SEPTIN7: variants seen among roughly 807,000 people sequenced by gnomAD.
SEPTIN7 encodes the protein septin-7.
SEPTIN7 carries 10 observed loss-of-function variants against 63.3 expected under a neutral mutation model. The observed-to-expected ratio is 0.16, with a 90% CI of 0.10 to 0.27. The LOEUF (loss-of-function observed/expected upper bound fraction) is 0.27, where lower values mean the gene tolerates loss of function less well. Among genes scored for constraint, SEPTIN7 ranks in the 10% least tolerant of loss-of-function variants. The pLI is 1.00. For missense variants in SEPTIN7, 310 were observed against 521.0 expected (o/e 0.59, Z 3.94); for synonymous variants, 131 against 165.3 (o/e 0.79, Z 1.59).
At position 35,902,846 on chromosome 7, in the gene SEPTIN7, T is replaced by G. The variant is rs1583658530; in HGVS notation, c.1135-230T>G. ...CACACTGTTAAGTTTGTTGCTTTTTTTTTTTTTCCTGTTTCCCAAGATTAT... is the reference window on the plus strand; with the variant it reads ...CACACTGTTAAGTTTGTTGCTTTTTGTTTTTTTCCTGTTTCCCAAGATTAT... On this transcript the variant is annotated intron_variant, in intron 12 of 13. Transcript: ENST00000350320. 3 of 481,298 alleles carry G rather than the reference T, an allele frequency of 6.2e-6. No individual in the cohort carries two copies. The East Asian group carries it at 1.2e-4, about 19-fold the overall frequency. 29.8% of individuals were successfully genotyped at this position (481,298 alleles called of 1,614,324 possible). A position where few individuals can be genotyped will look rare whatever the true frequency, so the allele number is the denominator to read the frequency against.
chr7:35,801,590 G>T (rs533467201), intron 1 of SEPTIN7, among the ~76,000 whole-genome samples: 1 of 152,146 alleles, frequency 6.6e-6, no homozygotes, highest in Non-Finnish European at 1.5e-5. Context: ...TCTCAGCCCT[G>T]CCCTTGCTTC....
intron 10 of SEPTIN7, among the ~76,000 whole-genome samples, chr7:35,890,167 T>C (rs1236294246): frequency 6.6e-6 from 1 of 152,196 alleles, no homozygotes; most frequent in East Asian, 1.9e-4. Flanking sequence ...CCACTTTCAC[T>C]AGACAGTTTG....
intron 1 of SEPTIN7, 98 bp downstream of exon 1, chr7:35,801,368 G>T: frequency 7.1e-7 from 1 of 1,404,980 alleles, no homozygotes; most frequent in Non-Finnish European, 9.4e-7. Flanking sequence ...GCCCTGAGGC[G>T]AGGCGGAGGC....
intron 6 of SEPTIN7, among the ~76,000 whole-genome samples, chr7:35,875,770 TATAC>T (rs144950029): frequency 6.6e-6 from 1 of 152,064 alleles, no homozygotes; most frequent in African/African-American, 2.4e-5. Flanking sequence ...TTTTTTCTCT[TATAC>T]ATACATACAT....
downstream of SEPTIN7, among the ~76,000 whole-genome samples, chr7:35,911,405 C>T (rs1432682677): frequency 6.7e-6 from 1 of 148,918 alleles, no homozygotes; most frequent in Non-Finnish European, 1.5e-5. Flanking sequence ...AGGCATACTG[C>T]CCTCAAAAAC....
chr7:35,870,763 G>A (rs1211588168), intron 4 of SEPTIN7, among the ~76,000 whole-genome samples: 2 of 150,190 alleles, frequency 1.3e-5, no homozygotes, highest in African/African-American at 4.9e-5. Flanking sequence ...CAGGAGTGAG[G>A]CTGCAGTAAG....
intron 1 of SEPTIN7, among the ~76,000 whole-genome samples, chr7:35,802,669 A>C (rs1164269566): frequency 6.6e-6 from 1 of 152,202 alleles, no homozygotes; most frequent in Non-Finnish European, 1.5e-5. Flanking sequence ...TTAGACTTAA[A>C]AGTGTACAGG....
At chr7:35,805,841 T>A (rs1788298661) in intron 1 of SEPTIN7, among the ~76,000 whole-genome samples, 1 of 152,258 alleles carries the variant, frequency 6.6e-6, no homozygotes, top group African/African-American at 2.4e-5. Flanking sequence ...TGGACTTTCC[T>A]GAAGTTGTAA....
In SEPTIN7 at chr7:35,885,891, C is replaced by T; in HGVS notation, c.872+12C>T. The T allele has an allele frequency of 6.4e-7, 1 of 1,567,004 alleles. No individual in the cohort carries two copies. The highest frequency in any genetic ancestry group is 1.1e-5 in the South Asian group (1 of 88,688). On this transcript the variant is annotated intron_variant, in intron 10 of 13. Transcript: ENST00000350320. The stretch of plus-strand genomic sequence containing the variant: ...AATATGTTGATAAGGTAAGTGCAAG[C>T]AATGATGGAAATAGCATAAGATTTT...
intron 1 of SEPTIN7, among the ~76,000 whole-genome samples, chr7:35,815,417 A>G (rs1487062791): frequency 1.3e-5 from 2 of 152,212 alleles, no homozygotes; most frequent in African/African-American, 4.8e-5. Flanking sequence ...AAAACCATGA[A>G]TTTATACTGG....
chr7:35,872,854 C>A, intron 5 of SEPTIN7, 88 bp downstream of exon 5: 1 of 891,078 alleles, frequency 1.1e-6, no homozygotes, highest in Non-Finnish European at 1.8e-6. Context: ...TAAAACTTCT[C>A]ATCTTAGCAA....
At chr7:35,855,646 A>G (rs1474828813) in intron 3 of SEPTIN7, among the ~76,000 whole-genome samples, 2 of 152,188 alleles carry the variant, frequency 1.3e-5, no homozygotes, top group Non-Finnish European at 2.9e-5. Context: ...TTAAGGAGAG[A>G]TATCTAAGTA....
intron 1 of SEPTIN7, among the ~76,000 whole-genome samples, chr7:35,820,589 ATAT>A (rs1407963225): frequency 3.3e-5 from 5 of 151,802 alleles, no homozygotes; most frequent in Non-Finnish European, 5.9e-5. Context: ...ATCTTTTTTG[ATAT>A]TATCTATTTG....
At chr7:35,877,202 T>C (rs1442000218) in intron 6 of SEPTIN7, among the ~76,000 whole-genome samples, 2 of 152,210 alleles carry the variant, frequency 1.3e-5, no homozygotes, top group Non-Finnish European at 2.9e-5. Context: ...GGTTATTCCA[T>C]CTACACACAC....
chr7:35,851,019 A>G (rs1784929502), intron 3 of SEPTIN7, among the ~76,000 whole-genome samples: 1 of 152,190 alleles, frequency 6.6e-6, no homozygotes, highest in Non-Finnish European at 1.5e-5. Flanking sequence ...AGACCTGAAG[A>G]AACCTGACGT....
chr7:35,815,367 T>C (rs1246992106), intron 1 of SEPTIN7, among the ~76,000 whole-genome samples: 1 of 152,198 alleles, frequency 6.6e-6, no homozygotes, highest in Non-Finnish European at 1.5e-5. Flanking sequence ...ACATCTGTAT[T>C]TTTGTATATG....
In SEPTIN7 at chr7:35,883,927, A is replaced by C. The variant is rs756181603; in HGVS notation, c.760A>C (p.Ile254Leu). ...LPLAVVGSNT[I>L]IEVNGKRVRG... ...TCTTGCTGTGGTAGGTAGTAATACT[A>C]TCATTGAAGTTAATGGCAAAAGGGT... Residue 254 changes from isoleucine to leucine, a missense_variant, in exon 9 of 14, where the codon ATC becomes CTC. By Grantham distance (5) the Ile-to-Leu change is conservative. Transcript: ENST00000350320. The C allele has an allele frequency of 2.9e-5, 47 of 1,609,988 alleles. No individual in the cohort carries two copies. The highest frequency in any genetic ancestry group is 4.0e-5 in the Non-Finnish European group (47 of 1,177,828).
At chr7:35,859,617 T>G (rs1402025197) in intron 3 of SEPTIN7, among the ~76,000 whole-genome samples, 1 of 152,220 alleles carries the variant, frequency 6.6e-6, no homozygotes, top group Non-Finnish European at 1.5e-5. Flanking sequence ...ATTATAGAAC[T>G]GTCTGTTTCT....
At chr7:35,819,121 C>G (rs1413075473) in intron 1 of SEPTIN7, among the ~76,000 whole-genome samples, 1 of 152,038 alleles carries the variant, frequency 6.6e-6, no homozygotes, top group African/African-American at 2.4e-5. Flanking sequence ...GATTTAGCTG[C>G]ATTCAATACA....
Sources: allele counts gnomAD v4.1 joint callset (sites outside exome capture counted in the v4.1 genomes callset), GRCh38; gene constraint gnomAD v4.1.1; transcripts MANE v1.5; gene names NCBI Gene and HGNC (gene_info 2026-07-23, HGNC 2026-07-21).